Variants in ACTR3C observed in about 807,000 individuals in gnomAD.
ACTR3C encodes actin related protein 3C.
In ACTR3C, 18 loss-of-function variants were observed where a neutral mutation model predicts 26.3. The observed-to-expected ratio is 0.68, with a 90% CI of 0.47 to 1.01. The LOEUF (loss-of-function observed/expected upper bound fraction) is 1.01. ACTR3C is among the 50% of genes least tolerant of loss of function. The probability of loss-of-function intolerance (pLI) is 0.00; values close to 1 mark genes in which losing one functional copy is unlikely to be tolerated. For missense variants in ACTR3C, 184 were observed against 250.7 expected (o/e 0.73, Z 1.80); for synonymous variants, 55 against 94.5 (o/e 0.58, Z 2.42).
intron 6 of ACTR3C, among the ~76,000 whole-genome samples, chr7:150,261,701 C>CATAAATAAATAAATAA (rs200953239): frequency 6.2e-4 from 65 of 105,590 alleles, no homozygotes; most frequent in African/African-American, 2.1e-3. Context: ...GACTCCATCT[C>CATAAATAAATAAATAA]ATAAATAAAT....
the ACTR3C span, among the ~76,000 whole-genome samples, chr7:149,996,095 G>A: frequency 6.6e-6 from 1 of 152,204 alleles, no homozygotes; most frequent in Non-Finnish European, 1.5e-5. Context: ...GGAAAGGCAT[G>A]TTGGGACCAG....
chr7:150,013,381 A>G, the ACTR3C span, among the ~76,000 whole-genome samples: 1 of 152,172 alleles, frequency 6.6e-6, no homozygotes, highest in Non-Finnish European at 1.5e-5. Context: ...TCTCAATTCT[A>G]GCCCCCAAGG....
chr7:150,260,315 A>G (rs182413823), intron 6 of ACTR3C, among the ~76,000 whole-genome samples: 162 of 152,324 alleles, frequency 1.1e-3, no homozygotes, highest in African/African-American at 3.7e-3. Flanking sequence ...AAAATGGTCA[A>G]TTTTATGTTC....
At chr7:150,314,305 G>A (rs556319748) in intron 1 of ACTR3C, among the ~76,000 whole-genome samples, 1 of 152,198 alleles carries the variant, frequency 6.6e-6, no homozygotes, top group Non-Finnish European at 1.5e-5. Flanking sequence ...CCCTGCCAAG[G>A]ATTCTTGAAC....
the ACTR3C span, among the ~76,000 whole-genome samples, chr7:149,920,488 AG>A: frequency 6.6e-6 from 1 of 151,504 alleles, no homozygotes; most frequent in Non-Finnish European, 1.5e-5. Context: ...TTTAGGGGGC[AG>A]GGGGACAGAG....
the ACTR3C span, among the ~76,000 whole-genome samples, chr7:150,006,959 T>C: frequency 0.22 from 34,074 of 152,030 alleles, 4,100 homozygotes; most frequent in East Asian, 0.33. Flanking sequence ...GATCCTAAGC[T>C]ACACAGAACC....
the ACTR3C span, among the ~76,000 whole-genome samples, chr7:150,124,122 G>A: frequency 6.6e-6 from 1 of 152,080 alleles, no homozygotes; most frequent in Non-Finnish European, 1.5e-5. Context: ...CTTCCAGGCA[G>A]GTGAGCTTTT....
chr7:150,155,996 T>C, the ACTR3C span, among the ~76,000 whole-genome samples: 4 of 152,088 alleles, frequency 2.6e-5, no homozygotes, highest in Non-Finnish European at 5.9e-5. Context: ...TTGATCAGAA[T>C]GAAATGTCAT....
At chr7:150,106,413 T>C in the ACTR3C span, among the ~76,000 whole-genome samples, 2 of 151,404 alleles carry the variant, frequency 1.3e-5, no homozygotes, top group East Asian at 3.9e-4. Context: ...TGTTACATGG[T>C]ATGGTTTGAG....
the ACTR3C span, among the ~76,000 whole-genome samples, chr7:150,202,121 A>G: frequency 6.6e-5 from 10 of 152,074 alleles, no homozygotes; most frequent in Non-Finnish European, 1.2e-4. Context: ...TTTTCCATCA[A>G]TCTTTTTCTT....
At chr7:150,088,508 T>A in the ACTR3C span, among the ~76,000 whole-genome samples, 2 of 152,248 alleles carry the variant, frequency 1.3e-5, no homozygotes, top group African/African-American at 4.8e-5. Flanking sequence ...ATATATGGAC[T>A]AAACCTGGCT....
the ACTR3C span, among the ~76,000 whole-genome samples, chr7:150,210,692 G>GA: frequency 2.0e-5 from 3 of 149,180 alleles, no homozygotes; most frequent in African/African-American, 5.1e-5. Flanking sequence ...TATAGTAACA[G>GA]AAAAAAAAGA....
Position 150,290,507 on chromosome 7 carries a change from T to TTACA in ACTR3C, c.154-918_154-915dup, listed in dbSNP as rs1836164593. On this transcript the variant is annotated intron_variant, in intron 3 of 7. Transcript: ENST00000683684. ...CCGGTAAAGACACTCAGGTTTCACG[T>TTACA]TACAGCACATCACAGCTTCTGTGCC... Among the ~76,000 whole-genome samples, 5 of 152,070 alleles carry TTACA rather than the reference T, an allele frequency of 3.3e-5. No homozygotes were observed. In the South Asian group the frequency reaches 1.0e-3, roughly 32 times the overall value.
chr7:150,319,680 C>G (rs1159366399), intron 1 of ACTR3C, among the ~76,000 whole-genome samples: 1 of 152,166 alleles, frequency 6.6e-6, no homozygotes, highest in Non-Finnish European at 1.5e-5. Flanking sequence ...TGTTTGTTTG[C>G]CCAGACTCCA....
the ACTR3C span, chr7:150,002,357 C>A: frequency 1.3e-5 from 2 of 152,170 alleles, no homozygotes; most frequent in East Asian, 3.8e-4. Context: ...ACATGCAGCT[C>A]TCTCTGCGCC....
At chr7:149,937,609 G>A in the ACTR3C span, among the ~76,000 whole-genome samples, 2 of 152,130 alleles carry the variant, frequency 1.3e-5, no homozygotes, top group African/African-American at 2.4e-5. Context: ...AAGACAGACC[G>A]TGGGTGGGAG....
At chr7:150,130,887 T>C in the ACTR3C span, among the ~76,000 whole-genome samples, 1 of 152,146 alleles carries the variant, frequency 6.6e-6, no homozygotes, top group Non-Finnish European at 1.5e-5. Context: ...ACCCAAATGA[T>C]AGGTACTCCA....
chr7:149,899,587 A>G, the ACTR3C span, among the ~76,000 whole-genome samples: 2 of 134,882 alleles, frequency 1.5e-5, no homozygotes, highest in Non-Finnish European at 3.3e-5. Context: ...AAGACAGAAA[A>G]TAGACTGGAA....
At chr7:150,309,458 G>A (rs1796099387) in intron 1 of ACTR3C, among the ~76,000 whole-genome samples, 1 of 152,178 alleles carries the variant, frequency 6.6e-6, no homozygotes, top group Non-Finnish European at 1.5e-5. Context: ...CGCCTTCAAG[G>A]TGTTCAACAA....
Sources: allele counts gnomAD v4.1 joint callset (sites outside exome capture counted in the v4.1 genomes callset), GRCh38; gene constraint gnomAD v4.1.1; transcripts MANE v1.5; gene names NCBI Gene and HGNC (gene_info 2026-07-23, HGNC 2026-07-21).